ROBO2: variants seen among roughly 807,000 people sequenced by gnomAD.
ROBO2 encodes roundabout guidance receptor 2.
Under a neutral mutation model 160.8 loss-of-function variants are expected in ROBO2, and 53 were observed. The ratio of observed to expected loss-of-function variants is 0.33; its 90% CI spans 0.26 to 0.41. The LOEUF is 0.41. Ranked by LOEUF, ROBO2 falls within the 10% of genes least tolerant of loss-of-function variation. The pLI, the probability that ROBO2 is intolerant of heterozygous loss-of-function variation, is 1.00. For missense variants in ROBO2, 1,577 were observed against 1,722.4 expected (o/e 0.92, Z 1.49); for synonymous variants, 664 against 611.7 (o/e 1.09, Z -1.26).
intron 2 of ROBO2, among the ~76,000 whole-genome samples, chr3:76,512,706 AT>A (rs1185599938): frequency 6.6e-6 from 1 of 152,136 alleles, no homozygotes; most frequent in East Asian, 1.9e-4. Context: ...TGTTTAAAAT[AT>A]TTTATAAAAT....
intron 2 of ROBO2, among the ~76,000 whole-genome samples, chr3:76,328,834 G>T (rs2073241047): frequency 6.6e-6 from 1 of 151,380 alleles, no homozygotes; most frequent in Non-Finnish European, 1.5e-5. Context: ...ACTCCAGCCT[G>T]GGCGACAGAG....
intron 2 of ROBO2, among the ~76,000 whole-genome samples, chr3:76,891,100 C>T (rs1169774748): frequency 2.6e-5 from 4 of 152,070 alleles, no homozygotes; most frequent in South Asian, 4.1e-4. Context: ...CATTAATATA[C>T]TTGATGGAAT....
Position 77,200,312 on chromosome 3 carries a change from TATATATA to T in ROBO2, c.388+101973_388+101979del, listed in dbSNP as rs1560218929. Among the ~76,000 whole-genome samples the T allele has an allele frequency of 6.6e-4, 60 of 90,664 alleles. No homozygotes were observed. In the South Asian group the frequency reaches 8.0e-3, roughly 12 times the overall value. 59.5% of individuals were successfully genotyped at this position (90,664 alleles called of 152,430 possible). A position where few individuals can be genotyped will look rare whatever the true frequency, so the allele number is the denominator to read the frequency against. On this transcript the variant is annotated intron_variant, in intron 2 of 25. Coordinates refer to ENST00000461745, the Ensembl canonical transcript of ROBO2. The stretch of plus-strand genomic sequence containing the variant: ...ATATATATATATATATATATATATA[TATATATA>T]TATTTTAGTTTCTATAGGTAAAGGG...
chr3:76,504,629 C>T (rs940441167), intron 2 of ROBO2, among the ~76,000 whole-genome samples: 13 of 148,062 alleles, frequency 8.8e-5, no homozygotes, highest in East Asian at 2.0e-4. Flanking sequence ...CCTGGGTTCA[C>T]GCCATTCTCC....
intron 1 of ROBO2, among the ~76,000 whole-genome samples, chr3:75,920,787 C>T (rs1467707450): frequency 6.6e-6 from 1 of 151,922 alleles, no homozygotes; most frequent in African/African-American, 2.4e-5. Flanking sequence ...ACGTAATGCC[C>T]TTTGTCCTTT....
rs190768017 is a variant in ROBO2 at position 76,875,242 on chromosome 3, C to G, written c.110-222772C>G. On this transcript the variant is annotated intron_variant, in intron 2 of 26. Coordinates refer to the ROBO2 transcript ENST00000487694. ...GAGACAGCAACACTCACCAGAAAAC[C>G]AAACGTGCCAGTGCCTTGATCTTGA... Among the ~76,000 whole-genome samples the G allele has an allele frequency of 4.6e-5, 7 of 152,270 alleles. No individual in the cohort carries two copies. The East Asian group carries it at 7.7e-4, about 17-fold the overall frequency.
At chr3:76,763,018 A>C (rs903868435) in intron 2 of ROBO2, among the ~76,000 whole-genome samples, 4 of 151,768 alleles carry the variant, frequency 2.6e-5, no homozygotes, top group African/African-American at 9.7e-5. Context: ...CAGTTTAATT[A>C]AAAAGTTAAT....
chr3:76,541,610 A>C (rs916261553), intron 2 of ROBO2, among the ~76,000 whole-genome samples: 2 of 152,182 alleles, frequency 1.3e-5, no homozygotes, highest in African/African-American at 4.8e-5. Flanking sequence ...AAGAGAGAAG[A>C]GTAAATTGAG....
intron 2 of ROBO2, among the ~76,000 whole-genome samples, chr3:77,281,162 T>A (rs978867701): frequency 6.6e-6 from 1 of 152,200 alleles, no homozygotes; most frequent in African/African-American, 2.4e-5. Context: ...GTATAATCAA[T>A]CCTAGCTGAA....
chr3:76,427,192 T>C (rs952046512), intron 2 of ROBO2, among the ~76,000 whole-genome samples: 2 of 152,106 alleles, frequency 1.3e-5, no homozygotes, highest in Non-Finnish European at 2.9e-5. Flanking sequence ...TCGGGGCTAT[T>C]TCCACTACTG....
At chr3:77,416,548 C>G (rs946480870) in intron 2 of ROBO2, among the ~76,000 whole-genome samples, 1 of 151,754 alleles carries the variant, frequency 6.6e-6, no homozygotes, top group South Asian at 2.1e-4. Context: ...GAAACACCAT[C>G]ACTACTAAAA....
intron 23 of ROBO2, among the ~76,000 whole-genome samples, chr3:77,623,579 G>T: frequency 6.6e-6 from 1 of 152,148 alleles, no homozygotes; most frequent in East Asian, 1.9e-4. Context: ...TCCAGGGGCT[G>T]GTCTGCTTGC....
chr3:76,769,133 G>A (rs2061737088), intron 2 of ROBO2, among the ~76,000 whole-genome samples: 1 of 151,426 alleles, frequency 6.6e-6, no homozygotes, highest in South Asian at 2.1e-4. Flanking sequence ...AAGTTTCCTT[G>A]ACAGACCCAG....
intron 2 of ROBO2, among the ~76,000 whole-genome samples, chr3:76,620,421 A>C (rs1387785193): frequency 6.6e-6 from 1 of 151,872 alleles, no homozygotes; most frequent in Non-Finnish European, 1.5e-5. Context: ...ATCGTGGAGC[A>C]AAAAAAATGG....
chr3:76,029,634 G>A lies in ROBO2; in HGVS notation c.109+92032G>A, dbSNP rs140341292. On this transcript the variant is annotated intron_variant, in intron 2 of 26. Transcript: ENST00000487694. ...ATGTGGTGTTTGGTTTTCTGTCTTT[G>A]TGACAGTTTGCTCAGAATGATGGTT... Among the ~76,000 whole-genome samples the A allele has an allele frequency of 5.8e-3, 878 of 152,142 alleles. 11 individuals carry two copies. Among genetic ancestry groups the A allele is most frequent in the African/African-American group, 0.02 (828 of 41,490 alleles).
intron 2 of ROBO2, among the ~76,000 whole-genome samples, chr3:76,328,498 G>T (rs547955809): frequency 6.6e-6 from 1 of 152,034 alleles, no homozygotes; most frequent in Non-Finnish European, 1.5e-5. Context: ...AGGCCGAGGC[G>T]GGCAGATGAC....
chr3:77,460,040 T>C (rs2082086752), intron 2 of ROBO2, among the ~76,000 whole-genome samples: 1 of 148,254 alleles, frequency 6.7e-6, no homozygotes, highest in Non-Finnish European at 1.5e-5. Context: ...GCAGGAAGAA[T>C]TGACTGTAGT....
chr3:76,598,492 T>C (rs973567667), intron 2 of ROBO2, among the ~76,000 whole-genome samples: 3 of 152,170 alleles, frequency 2.0e-5, no homozygotes, highest in Non-Finnish European at 4.4e-5. Context: ...GGATGAATTC[T>C]ATTAATGTCA....
intron 2 of ROBO2, among the ~76,000 whole-genome samples, chr3:76,477,685 G>C (rs567933295): frequency 6.6e-6 from 1 of 151,966 alleles, no homozygotes; most frequent in South Asian, 2.1e-4. Context: ...TTTTGCTGCT[G>C]CTCAAATTTA....
Sources: allele counts gnomAD v4.1 joint callset (sites outside exome capture counted in the v4.1 genomes callset), GRCh38; gene constraint gnomAD v4.1.1; transcripts MANE v1.5; gene names NCBI Gene and HGNC (gene_info 2026-07-23, HGNC 2026-07-21).